COL25A1: variants seen among roughly 807,000 people sequenced by gnomAD.
The protein encoded by COL25A1 is collagen type XXV alpha 1 chain, also known as collagen alpha-1(XXV) chain.
COL25A1 carries 103 observed loss-of-function variants against 128.4 expected under a neutral mutation model. The observed-to-expected ratio is 0.80, with a 90% CI of 0.68 to 0.94. The LOEUF is 0.94. Ranked by LOEUF, COL25A1 falls within the 40% of genes least tolerant of loss-of-function variation. The pLI is 0.00. For synonymous variants in COL25A1, 279 were observed against 277.2 expected, an observed-to-expected ratio of 1.01 and a Z score of -0.06; for missense variants, 745 against 840.0, an observed-to-expected ratio of 0.89 and a Z score of 1.40.
In COL25A1 at chr4:108,812,275, G is replaced by C. The variant is rs1730855236; in HGVS notation, c.*1652C>G. ...ATTTGGTCTGTGGATATGAGGATGA[G>C]ACAAACATTTAGAAATGTTAAAAAG... On this transcript the variant is annotated 3_prime_UTR_variant, in exon 38 of 38. Coordinates refer to ENST00000399132, the MANE Select transcript of COL25A1 (RefSeq NM_198721.4). 1 of 152,060 alleles carries C rather than the reference G, an allele frequency of 6.6e-6. No homozygotes were observed. Among genetic ancestry groups the C allele is most frequent in the South Asian group, 2.1e-4 (1 of 4,824 alleles). 9.4% of individuals were successfully genotyped at this position (152,060 alleles called of 1,614,324 possible). A position where few individuals can be genotyped will look rare whatever the true frequency, so the allele number is the denominator to read the frequency against.
chr4:108,823,694 A>G (rs999486116), intron 35 of COL25A1, among the ~76,000 whole-genome samples: 2 of 152,156 alleles, frequency 1.3e-5, no homozygotes, highest in Admixed American at 6.5e-5. Context: ...AACTTACTGT[A>G]GTTTATCAGT....
chr4:108,881,305 G>A (rs1209909073), intron 19 of COL25A1, among the ~76,000 whole-genome samples: 1 of 152,156 alleles, frequency 6.6e-6, no homozygotes, highest in South Asian at 2.1e-4. Context: ...GAAGGCATGT[G>A]GATGCTCATT....
chr4:109,282,567 T>A (rs578191441), intron 3 of COL25A1, among the ~76,000 whole-genome samples: 5 of 152,350 alleles, frequency 3.3e-5, no homozygotes, highest in African/African-American at 1.2e-4. Flanking sequence ...TAACTATTTA[T>A]AGAGTCAAGA....
chr4:109,227,308 ATT>A (rs1778871506), intron 3 of COL25A1, among the ~76,000 whole-genome samples: 1 of 152,198 alleles, frequency 6.6e-6, no homozygotes, highest in Non-Finnish European at 1.5e-5. Context: ...TATTTACACA[ATT>A]TACACCTCCA....
chr4:109,262,406 CG>C (rs1197486728), intron 3 of COL25A1, among the ~76,000 whole-genome samples: 1 of 151,798 alleles, frequency 6.6e-6, no homozygotes, highest in Non-Finnish European at 1.5e-5. Flanking sequence ...CCCAGCTACT[CG>C]GGAGGCTGAG....
At chr4:108,877,273 G>A (rs987330604) in intron 19 of COL25A1, among the ~76,000 whole-genome samples, 3 of 152,186 alleles carry the variant, frequency 2.0e-5, no homozygotes, top group Non-Finnish European at 2.9e-5. Flanking sequence ...CATTTAGGCA[G>A]TCATAACTTC....
chr4:109,182,739 C>G (rs2526452), intron 3 of COL25A1, among the ~76,000 whole-genome samples: 95,497 of 151,842 alleles, frequency 0.63, 30,462 homozygotes, highest in East Asian at 0.75. Flanking sequence ...TCACTTTATG[C>G]GTAAGTGACT....
At chr4:108,847,223 A>T (rs78398612) in intron 27 of COL25A1, among the ~76,000 whole-genome samples, 9,118 of 152,164 alleles carry the variant, frequency 0.06, 393 homozygotes, top group East Asian at 0.2. Flanking sequence ...TATAATATTA[A>T]TATTGACATT....
At chr4:109,076,630 A>G (rs1763401927) in intron 3 of COL25A1, among the ~76,000 whole-genome samples, 1 of 152,030 alleles carries the variant, frequency 6.6e-6, no homozygotes, top group African/African-American at 2.4e-5. Flanking sequence ...TGATTCAAAA[A>G]CATTACATTT....
At chr4:108,937,865 T>C in intron 10 of COL25A1, 22 bp from the exon 11 acceptor site, 1 of 1,592,238 alleles carries the variant, frequency 6.3e-7, no homozygotes, top group Non-Finnish European at 8.6e-7. Context: ...ATAGTGATAA[T>C]TTTAGTAACG....
At chr4:109,180,472 T>C (rs979068485) in intron 3 of COL25A1, among the ~76,000 whole-genome samples, 18 of 152,160 alleles carry the variant, frequency 1.2e-4, no homozygotes, top group African/African-American at 4.1e-4. Context: ...GCTTCTGTTT[T>C]CTAGTCTGTA....
At chr4:108,896,104 C>T (rs754823083) in intron 16 of COL25A1, among the ~76,000 whole-genome samples, 8 of 151,842 alleles carry the variant, frequency 5.3e-5, no homozygotes, top group Non-Finnish European at 1.0e-4. Context: ...AACCACCATG[C>T]CCAGCTAGTT....
intron 3 of COL25A1, among the ~76,000 whole-genome samples, chr4:109,287,020 T>C (rs759924995): frequency 1.3e-5 from 2 of 152,198 alleles, no homozygotes; most frequent in East Asian, 3.8e-4. Flanking sequence ...ATTGGTGTGT[T>C]AGCAGCATTT....
At chr4:109,053,164 T>C (rs929602336) in intron 3 of COL25A1, among the ~76,000 whole-genome samples, 1 of 151,970 alleles carries the variant, frequency 6.6e-6, no homozygotes. Flanking sequence ...CAAAACCAGA[T>C]TGCTCTTCAG....
chr4:109,182,857 C>T (rs1462048337), intron 3 of COL25A1, among the ~76,000 whole-genome samples: 1 of 151,966 alleles, frequency 6.6e-6, no homozygotes, highest in South Asian at 2.1e-4. Flanking sequence ...ACTTTTGATG[C>T]TACAATATAA....
In COL25A1 at chr4:108,860,443, CCATCAGGAA is replaced by C. The variant is rs537850112; in HGVS notation, c.1242+475_1242+483del. Among the ~76,000 whole-genome samples the C allele has an allele frequency of 2.7e-4, 41 of 152,158 alleles. 1 individual carries two copies. The highest frequency in any genetic ancestry group is 9.2e-4 in the African/African-American group (38 of 41,506). On this transcript the variant is annotated intron_variant, in intron 23 of 37. Coordinates refer to ENST00000399132, the MANE Select transcript of COL25A1 (RefSeq NM_198721.4). ...TTCTGTAGAAAAATACTTGGCTTTC[CCATCAGGAA>C]TGAATGCCACAAAAATTAAACAAAA...
In COL25A1 at chr4:108,809,262, G is replaced by C. The variant is rs1042020404; in HGVS notation, c.*4665C>G. The C allele has an allele frequency of 1.3e-5, 2 of 151,702 alleles. No individual in the cohort carries two copies. The highest frequency in any genetic ancestry group is 4.8e-5 in the African/African-American group (2 of 41,308). 9.4% of individuals were successfully genotyped at this position (151,702 alleles called of 1,614,324 possible). ...TATAAAAATAGCTGCACATAGAGAT[G>C]AACTTTAAAATGTAAAAAATACAAA... On this transcript the variant is annotated 3_prime_UTR_variant, in exon 38 of 38. Coordinates refer to ENST00000399132, the MANE Select transcript of COL25A1 (RefSeq NM_198721.4).
chr4:109,197,330 A>G (rs1229656750), intron 3 of COL25A1, among the ~76,000 whole-genome samples: 1 of 134,802 alleles, frequency 7.4e-6, no homozygotes, highest in Non-Finnish European at 1.5e-5. Context: ...TGTCTCAAGT[A>G]TATATATATA....
At chr4:109,257,449 T>C (rs1781153547) in intron 3 of COL25A1, among the ~76,000 whole-genome samples, 1 of 152,188 alleles carries the variant, frequency 6.6e-6, no homozygotes, top group South Asian at 2.1e-4. Flanking sequence ...CATGACTACT[T>C]CTCTTAAGGT....
Sources: allele counts gnomAD v4.1 joint callset (sites outside exome capture counted in the v4.1 genomes callset), GRCh38; gene constraint gnomAD v4.1.1; transcripts MANE v1.5; gene names NCBI Gene and HGNC (gene_info 2026-07-23, HGNC 2026-07-21).